Variants in KCNQ5 observed in about 807,000 individuals in gnomAD.
KCNQ5 encodes the protein potassium voltage-gated channel subfamily Q member 5, also known as potassium voltage-gated channel subfamily KQT member 5.
Under a neutral mutation model 98.2 loss-of-function variants are expected in KCNQ5, and 30 were observed. That is an observed-to-expected ratio of 0.31 (90% CI 0.23 to 0.41). KCNQ5 has a LOEUF of 0.41. KCNQ5 is among the 10% of genes least tolerant of loss of function. The pLI, the probability that KCNQ5 is intolerant of heterozygous loss-of-function variation, is 1.00. For synonymous variants in KCNQ5, 458 were observed against 449.4 expected, an observed-to-expected ratio of 1.02 and a Z score of -0.24; for missense variants, 835 against 1,182.5, an observed-to-expected ratio of 0.71 and a Z score of 4.31.
At chr6:72,895,167 T>C (rs1779199558) in intron 1 of KCNQ5, among the ~76,000 whole-genome samples, 1 of 147,556 alleles carries the variant, frequency 6.8e-6, no homozygotes, top group Non-Finnish European at 1.5e-5. Flanking sequence ...CGGGCGCCTG[T>C]AGTCCCAGCT....
chr6:73,158,464 A>G (rs1777473426), intron 10 of KCNQ5, among the ~76,000 whole-genome samples: 1 of 151,684 alleles, frequency 6.6e-6, no homozygotes, highest in South Asian at 2.1e-4. Flanking sequence ...ACGGGGTTTC[A>G]CCACGTTGGC....
In KCNQ5 at chr6:73,108,514, G is replaced by C. The variant is rs545042037; in HGVS notation, c.1030-2794G>C. Among the ~76,000 whole-genome samples the C allele has an allele frequency of 3.9e-5, 6 of 152,056 alleles. No individual in the cohort carries two copies. In the South Asian group the frequency reaches 8.3e-4, roughly 21 times the overall value. ...ATGTAATTATTGCATATAATAACATGTTAAAAACCGTTTAAAAAAACAGGG... is the reference window on the plus strand; with the variant it reads ...ATGTAATTATTGCATATAATAACATCTTAAAAACCGTTTAAAAAAACAGGG... On this transcript the variant is annotated intron_variant, in intron 6 of 13. Transcript: ENST00000370398.
intron 1 of KCNQ5, among the ~76,000 whole-genome samples, chr6:72,815,570 G>T (rs1295385863): frequency 6.6e-6 from 1 of 152,158 alleles, no homozygotes; most frequent in African/African-American, 2.4e-5. Flanking sequence ...AAACCAATCA[G>T]GATTTTCAAA....
chr6:72,966,659 T>A (rs1295161736), intron 1 of KCNQ5, among the ~76,000 whole-genome samples: 1 of 152,234 alleles, frequency 6.6e-6, no homozygotes. Flanking sequence ...CTCAAATATT[T>A]ATGCTAAAAC....
intron 5 of KCNQ5, among the ~76,000 whole-genome samples, chr6:73,093,538 A>G (rs1260838022): frequency 1.3e-5 from 2 of 152,110 alleles, no homozygotes; most frequent in Non-Finnish European, 2.9e-5. Flanking sequence ...TGATGTAGGC[A>G]TTTATGGCTA....
intron 1 of KCNQ5, among the ~76,000 whole-genome samples, chr6:72,675,358 C>G (rs1236205992): frequency 6.6e-6 from 1 of 152,026 alleles, no homozygotes. Flanking sequence ...ATTTTAATTC[C>G]CAGGGAAAAT....
intron 5 of KCNQ5, among the ~76,000 whole-genome samples, chr6:73,094,732 G>A (rs746520188): frequency 5.9e-5 from 9 of 152,122 alleles, no homozygotes; most frequent in Non-Finnish European, 1.2e-4. Flanking sequence ...TTTGCTTGAG[G>A]AGGCCGAAGA....
At chr6:72,938,890 T>G (rs1394409376) in intron 1 of KCNQ5, among the ~76,000 whole-genome samples, 1 of 152,166 alleles carries the variant, frequency 6.6e-6, no homozygotes, top group African/African-American at 2.4e-5. Context: ...AATTGAAACT[T>G]CAAGTGATTT....
At chr6:72,922,771 G>A (rs556555539) in intron 1 of KCNQ5, among the ~76,000 whole-genome samples, 12 of 149,798 alleles carry the variant, frequency 8.0e-5, no homozygotes, top group African/African-American at 2.9e-4. Context: ...ATATTTCATT[G>A]GGTATATAGG....
At chr6:72,888,353 A>C (rs1778928654) in intron 1 of KCNQ5, among the ~76,000 whole-genome samples, 1 of 152,200 alleles carries the variant, frequency 6.6e-6, no homozygotes, top group Admixed American at 6.5e-5. Flanking sequence ...CATTTTTGAG[A>C]AACTGCAAGT....
At chr6:72,847,031 A>T (rs966785298) in intron 1 of KCNQ5, among the ~76,000 whole-genome samples, 3 of 152,170 alleles carry the variant, frequency 2.0e-5, no homozygotes, top group African/African-American at 7.2e-5. Flanking sequence ...ATATGGGTTG[A>T]AATAGAAAGT....
intron 9 of KCNQ5, among the ~76,000 whole-genome samples, chr6:73,133,191 A>G (rs1776305158): frequency 6.6e-6 from 1 of 152,152 alleles, no homozygotes; most frequent in South Asian, 2.1e-4. Context: ...TCTACAATGA[A>G]TCCAAGAAGG....
At chr6:72,817,776 C>T (rs1775568232) in intron 1 of KCNQ5, among the ~76,000 whole-genome samples, 1 of 152,034 alleles carries the variant, frequency 6.6e-6, no homozygotes, top group African/African-American at 2.4e-5. Flanking sequence ...TGCCTGTAAT[C>T]CCAGCTACTC....
chr6:72,923,104 G>A (rs559820852), intron 1 of KCNQ5, among the ~76,000 whole-genome samples: 7 of 152,140 alleles, frequency 4.6e-5, no homozygotes, highest in South Asian at 2.1e-4. Flanking sequence ...GAGCCACCGC[G>A]CCCAGCCAGG....
chr6:72,793,521 G>T (rs1038614638), intron 1 of KCNQ5, among the ~76,000 whole-genome samples: 1 of 152,144 alleles, frequency 6.6e-6, no homozygotes, highest in Non-Finnish European at 1.5e-5. Flanking sequence ...TTTTTGTCAT[G>T]AATTCCTCTT....
At chr6:72,961,947 C>A (rs1290445022) in intron 1 of KCNQ5, among the ~76,000 whole-genome samples, 2 of 151,678 alleles carry the variant, frequency 1.3e-5, no homozygotes, top group Non-Finnish European at 2.9e-5. Context: ...GAGGCCAAGG[C>A]GGGCAGATCC....
intron 1 of KCNQ5, among the ~76,000 whole-genome samples, chr6:72,669,473 G>A (rs1389240667): frequency 1.3e-5 from 2 of 152,192 alleles, no homozygotes; most frequent in African/African-American, 4.8e-5. Flanking sequence ...CACTGCCACA[G>A]CTCTGCAGGG....
Position 72,720,043 on chromosome 6 carries a change from C to T in KCNQ5, c.398+97456C>T, listed in dbSNP as rs541023300. Among the ~76,000 whole-genome samples, 10 of 152,354 alleles carry T rather than the reference C, an allele frequency of 6.6e-5. No individual in the cohort carries two copies. The East Asian group carries it at 1.9e-3, about 29-fold the overall frequency. ...TCAATGTTAGACAGGTGACCCGCCGCCATATCTGTTAGGCATGCATGCAAG... is the reference window on the plus strand; with the variant it reads ...TCAATGTTAGACAGGTGACCCGCCGTCATATCTGTTAGGCATGCATGCAAG... On this transcript the variant is annotated intron_variant, in intron 1 of 13. Coordinates refer to ENST00000370398, the MANE Select transcript of KCNQ5 (RefSeq NM_019842.4).
intron 11 of KCNQ5, among the ~76,000 whole-genome samples, chr6:73,186,187 A>G (rs138155101): frequency 6.6e-6 from 1 of 152,248 alleles, no homozygotes; most frequent in Admixed American, 6.5e-5. Context: ...TGATTGTGCC[A>G]CTGCACTCCA....
Sources: allele counts gnomAD v4.1 joint callset (sites outside exome capture counted in the v4.1 genomes callset), GRCh38; gene constraint gnomAD v4.1.1; transcripts MANE v1.5; gene names NCBI Gene and HGNC (gene_info 2026-07-23, HGNC 2026-07-21).